Variants in CSNK2A2IP observed in about 807,000 individuals in gnomAD.
The protein encoded by CSNK2A2IP is casein kinase II subunit alpha'-interacting protein.
At chr3:88,427,737 G>C in the CSNK2A2IP span, among the ~76,000 whole-genome samples, 1 of 152,142 alleles carries the variant, frequency 6.6e-6, no homozygotes, top group African/African-American at 2.4e-5. Context: ...ACTGAGGTTT[G>C]GGAACCTCCG....
chr3:88,426,301 G>C, the CSNK2A2IP span, among the ~76,000 whole-genome samples: 2 of 152,164 alleles, frequency 1.3e-5, no homozygotes, highest in Non-Finnish European at 2.9e-5. Flanking sequence ...TCCCTGGCAA[G>C]TGTCTGTTTA....
the CSNK2A2IP span, among the ~76,000 whole-genome samples, chr3:88,375,560 C>T: frequency 6.6e-6 from 1 of 151,644 alleles, no homozygotes; most frequent in Non-Finnish European, 1.5e-5. Context: ...TTCTTTGGAT[C>T]CCAGAGGAAA....
the CSNK2A2IP span, among the ~76,000 whole-genome samples, chr3:88,397,759 CTA>C: frequency 1.3e-5 from 1 of 78,626 alleles, no homozygotes; most frequent in Non-Finnish European, 3.0e-5. Context: ...AGGATATCTC[CTA>C]TCTCTTTTTT....
chr3:88,405,970 C>T, the CSNK2A2IP span, among the ~76,000 whole-genome samples: 1 of 150,646 alleles, frequency 6.6e-6, no homozygotes, highest in Non-Finnish European at 1.5e-5. Flanking sequence ...AAGTTTTTTT[C>T]ATCTAAAAAA....
At chr3:88,377,416 T>C in the CSNK2A2IP span, among the ~76,000 whole-genome samples, 1 of 151,880 alleles carries the variant, frequency 6.6e-6, no homozygotes, top group Non-Finnish European at 1.5e-5. Context: ...ATTTGTCTGC[T>C]TCTCTACATT....
chr3:88,372,261 T>C, the CSNK2A2IP span, among the ~76,000 whole-genome samples: 2 of 151,594 alleles, frequency 1.3e-5, no homozygotes, highest in Non-Finnish European at 3.0e-5. Flanking sequence ...GCCATTACTT[T>C]TATGCAAAAG....
At chr3:88,374,274 G>A in the CSNK2A2IP span, among the ~76,000 whole-genome samples, 2 of 151,634 alleles carry the variant, frequency 1.3e-5, no homozygotes, top group Non-Finnish European at 3.0e-5. Context: ...ATTTCGGTGC[G>A]AGGCAGTAAT....
chr3:88,348,619 G>C, the CSNK2A2IP span, among the ~76,000 whole-genome samples: 2 of 152,040 alleles, frequency 1.3e-5, no homozygotes, highest in Non-Finnish European at 2.9e-5. Context: ...TCAGCTCTCT[G>C]TATTGGAAAA....
the CSNK2A2IP span, among the ~76,000 whole-genome samples, chr3:88,412,931 G>A: frequency 6.6e-6 from 1 of 151,984 alleles, no homozygotes; most frequent in African/African-American, 2.4e-5. Context: ...TGCAGCACGT[G>A]GCTATATATG....
the CSNK2A2IP span, among the ~76,000 whole-genome samples, chr3:88,417,071 T>C: frequency 6.6e-6 from 1 of 151,136 alleles, no homozygotes; most frequent in East Asian, 1.9e-4. Context: ...TAGCATTATA[T>C]AAGATTACTA....
chr3:88,413,987 T>G, the CSNK2A2IP span, among the ~76,000 whole-genome samples: 1 of 151,550 alleles, frequency 6.6e-6, no homozygotes, highest in African/African-American at 2.4e-5. Flanking sequence ...ATTAAGTAAA[T>G]AAAGATATTA....
the CSNK2A2IP span, chr3:88,467,307 C>T: frequency 2.5e-6 from 1 of 399,960 alleles, no homozygotes; most frequent in Non-Finnish European, 4.4e-6. Context: ...CCATCTCATC[C>T]TCTTCCTCTC....
chr3:88,340,285 AAAG>A, the CSNK2A2IP span, among the ~76,000 whole-genome samples: 1 of 151,920 alleles, frequency 6.6e-6, no homozygotes, highest in Non-Finnish European at 1.5e-5. Flanking sequence ...ACATCTAGAG[AAAG>A]GAAACCTCCA....
the CSNK2A2IP span, among the ~76,000 whole-genome samples, chr3:88,356,837 C>A: frequency 6.6e-6 from 1 of 152,050 alleles, no homozygotes; most frequent in Non-Finnish European, 1.5e-5. Context: ...ATGTGAATTT[C>A]TCTGATGACT....
chr3:88,396,154 G>C, the CSNK2A2IP span, among the ~76,000 whole-genome samples: 1 of 148,136 alleles, frequency 6.8e-6, no homozygotes, highest in Non-Finnish European at 1.5e-5. Context: ...GCCCAGGCTG[G>C]AGTGCAGTGG....
the CSNK2A2IP span, among the ~76,000 whole-genome samples, chr3:88,457,751 A>AAAATAAAATAAAATAAAATC: frequency 1.6e-4 from 24 of 148,318 alleles, no homozygotes; most frequent in Admixed American, 4.7e-4. Flanking sequence ...AAAATAAAAT[A>AAAATAAAATAAAATAAAATC]AAATCTAGTA....
the CSNK2A2IP span, among the ~76,000 whole-genome samples, chr3:88,418,462 G>GTGTT: frequency 4.0e-5 from 5 of 126,016 alleles, no homozygotes; most frequent in Non-Finnish European, 8.2e-5. Flanking sequence ...GTGTGTGTGT[G>GTGTT]TGCGCGCGGG....
chr3:88,438,822 G>T, the CSNK2A2IP span, among the ~76,000 whole-genome samples: 2 of 152,138 alleles, frequency 1.3e-5, no homozygotes, highest in Non-Finnish European at 2.9e-5. Context: ...CCCTTGTTGA[G>T]TTGTCTTTAA....
the CSNK2A2IP span, among the ~76,000 whole-genome samples, chr3:88,418,979 T>C: frequency 6.6e-6 from 1 of 152,174 alleles, no homozygotes; most frequent in African/African-American, 2.4e-5. Context: ...AGTGCCCTAT[T>C]GTGAACTGTG....
Sources: gnomAD v4.1 joint callset for allele counts (sites outside exome capture counted in the v4.1 genomes callset) on GRCh38, gnomAD v4.1.1 for gene constraint, MANE v1.5 for transcripts, NCBI Gene and HGNC (gene_info 2026-07-23, HGNC 2026-07-21) for gene names.